DOCK11: variants seen among roughly 807,000 people sequenced by gnomAD.
DOCK11 encodes dedicator of cytokinesis protein 11.
DOCK11 carries 70 observed loss-of-function variants against 169.1 expected under a neutral mutation model. That is an observed-to-expected ratio of 0.41 (90% CI 0.34 to 0.51). The LOEUF (loss-of-function observed/expected upper bound fraction) is 0.51, where lower values mean the gene tolerates loss of function less well. Among genes scored for constraint, DOCK11 ranks in the 20% least tolerant of loss-of-function variants. The pLI is 0.10. For missense variants in DOCK11, 1,166 were observed against 1,538.8 expected, an observed-to-expected ratio of 0.76 and a Z score of 4.05; for synonymous variants, 529 against 541.3, an observed-to-expected ratio of 0.98 and a Z score of 0.32.
chrX:118,599,214 A>G lies in DOCK11; in HGVS notation c.2548A>G (p.Ile850Val), dbSNP rs1236194273. ...CTCGAAAGAAGTTCCAGGGGAGCTC[A>G]TTAAATATTTAAAGGTAAATGAACA... ...SGSKEVPGEL[I>V]KYLKCLHAME... is the part of the protein sequence containing the mutation. Residue 850 changes from isoleucine to valine, a missense_variant, in exon 23 of 53, where the codon ATT becomes GTT. Physicochemically the swap from Ile to Val is conservative, Grantham distance 29 (BLOSUM62 3). Coordinates refer to ENST00000276202, the MANE Select transcript of DOCK11 (RefSeq NM_144658.4). 1.7e-6 allele frequency: 2 copies of G among 1,205,169 alleles called. No individual in the cohort carries two copies. Among genetic ancestry groups the G allele is most frequent in the Admixed American group, 4.4e-5 (2 of 45,774 alleles).
At position 118,614,680 on chromosome X, in the gene DOCK11, T is replaced by G. The variant is rs182959678; in HGVS notation, c.3097-12T>G. 1 of 1,119,717 alleles carries G rather than the reference T, an allele frequency of 8.9e-7. No homozygotes were observed. The highest frequency in any genetic ancestry group is 1.8e-5 in the African/African-American group (1 of 54,928). The allele number at this position is 1,119,717 out of a possible 1,213,427, so 92.3% of individuals were successfully genotyped here. The stretch of plus-strand genomic sequence containing the variant: ...ATGTAATTAACCCTTAGTTTTGTTT[T>G]GGTTTCTATAGCGCTGTTTGACACT... On this transcript the variant is annotated splice_polypyrimidine_tract_variant and intron_variant, in intron 28 of 52. Coordinates refer to ENST00000276202, the MANE Select transcript of DOCK11 (RefSeq NM_144658.4).
chrX:118,620,925 G>A (rs188211064), intron 31 of DOCK11, among the ~76,000 whole-genome samples: 24 of 112,745 alleles, frequency 2.1e-4, no homozygotes, highest in African/African-American at 7.7e-4. Flanking sequence ...ACATGAAAGA[G>A]AAAGAAAATT....
intron 1 of DOCK11, among the ~76,000 whole-genome samples, chrX:118,525,418 A>G (rs1360312632): frequency 8.9e-6 from 1 of 111,942 alleles, no homozygotes; most frequent in African/African-American, 3.2e-5. Context: ...GAAAGAAGCC[A>G]GTCACAGAAA....
intron 32 of DOCK11, among the ~76,000 whole-genome samples, chrX:118,626,087 A>G (rs2015095616): frequency 1.0e-5 from 1 of 99,058 alleles, no homozygotes; most frequent in Non-Finnish European, 2.0e-5. Flanking sequence ...TTTTTTTGAG[A>G]CAGAGTCTAA....
chrX:118,529,274 G>A (rs939654098), intron 1 of DOCK11, among the ~76,000 whole-genome samples: 2 of 111,922 alleles, frequency 1.8e-5, no homozygotes, highest in African/African-American at 3.2e-5. Context: ...GAGCCACCAC[G>A]CCCGACCACC....
At chrX:118,590,457 T>C (rs2147423552) in intron 19 of DOCK11, among the ~76,000 whole-genome samples, 155 bp downstream of exon 19, 1 of 111,844 alleles carries the variant, frequency 8.9e-6, no homozygotes, top group Admixed American at 9.5e-5. Flanking sequence ...GTTACTGGCC[T>C]GCTTGGTGCC....
intron 1 of DOCK11, among the ~76,000 whole-genome samples, chrX:118,507,968 T>C (rs1261143689): frequency 9.1e-6 from 1 of 110,215 alleles, no homozygotes; most frequent in Non-Finnish European, 1.9e-5. Flanking sequence ...GCTCTTTCTG[T>C]GTGGTTTTGG....
chrX:118,529,849 A>G (rs912420852), intron 1 of DOCK11, among the ~76,000 whole-genome samples: 3 of 111,149 alleles, frequency 2.7e-5, no homozygotes, highest in Admixed American at 9.6e-5. Context: ...ATCATCAAAT[A>G]TGAGATAACA....
At chrX:118,643,790 CTTT>C (rs1292613643) in intron 40 of DOCK11, among the ~76,000 whole-genome samples, 196 bp downstream of exon 40, 1 of 111,908 alleles carries the variant, frequency 8.9e-6, no homozygotes, top group Admixed American at 9.5e-5. Flanking sequence ...TCAGAAGCTA[CTTT>C]TTATTTCACC....
chrX:118,574,090 G>A (rs2013370123), intron 12 of DOCK11, 72 bp downstream of exon 12: 1 of 1,006,549 alleles, frequency 9.9e-7, no homozygotes, highest in East Asian at 3.2e-5. Flanking sequence ...TTATTTCATG[G>A]TTTCAGGCCA....
Position 118,495,845 on chromosome X carries a change from T to G in DOCK11, c.-127T>G. On this transcript the variant is annotated 5_prime_UTR_variant, in exon 1 of 53. An upstream start codon of the reference 5' UTR is lost. Coordinates refer to ENST00000276202, the MANE Select transcript of DOCK11 (RefSeq NM_144658.4). ...GAGCCGCGCCGCCGCCGAGCTGCGA[T>G]GTGGCCGGCCGGCCGGCGAGTAAAC... 3 of 222,482 alleles carry G rather than the reference T, an allele frequency of 1.3e-5. No individual in the cohort carries two copies. The highest frequency in any genetic ancestry group is 2.1e-5 in the Non-Finnish European group (3 of 141,341). 18.3% of individuals were successfully genotyped at this position (222,482 alleles called of 1,213,427 possible).
chrX:118,514,591 G>A (rs1364688872), intron 1 of DOCK11, among the ~76,000 whole-genome samples: 1 of 111,579 alleles, frequency 9.0e-6, no homozygotes, highest in Admixed American at 9.5e-5. Context: ...ATGTCCACCA[G>A]TAAGGACCAT....
At chrX:118,615,074 T>C (rs748250899) in intron 29 of DOCK11, among the ~76,000 whole-genome samples, 3 of 111,817 alleles carry the variant, frequency 2.7e-5, no homozygotes, top group African/African-American at 9.7e-5. Context: ...AGACATCAAA[T>C]GGGGTGGGTA....
At chrX:118,658,369 G>C (rs2147554234) in intron 44 of DOCK11, among the ~76,000 whole-genome samples, 1 of 112,718 alleles carries the variant, frequency 8.9e-6, no homozygotes, top group African/African-American at 3.2e-5. Context: ...ATTGGAAGCA[G>C]ATGTTCTACT....
chrX:118,583,505 T>G (rs967695001), intron 14 of DOCK11, among the ~76,000 whole-genome samples: 2 of 111,021 alleles, frequency 1.8e-5, no homozygotes, highest in African/African-American at 6.6e-5. Context: ...TTACCACATC[T>G]TCAGAGGTAT....
intron 7 of DOCK11, among the ~76,000 whole-genome samples, chrX:118,563,215 T>C (rs1485728672): frequency 8.9e-6 from 1 of 112,040 alleles, no homozygotes; most frequent in Non-Finnish European, 1.9e-5. Flanking sequence ...AAATCTTCAT[T>C]TTCAGAACTG....
chrX:118,619,429 T>G (rs2014906592), intron 31 of DOCK11, among the ~76,000 whole-genome samples: 1 of 93,836 alleles, frequency 1.1e-5, no homozygotes. Context: ...TGCAGTGAGC[T>G]GAGATCATGC....
chrX:118,671,364 C>T lies in DOCK11; in HGVS notation c.5199+219C>T, dbSNP rs761984226. Reference sequence around the variant, plus strand: ...CAATTCCTAAAAATGCTATTAAATCCTGAGATTTTTTAATGATTTCACCAC... The same window carrying T: ...CAATTCCTAAAAATGCTATTAAATCTTGAGATTTTTTAATGATTTCACCAC... On this transcript the variant is annotated intron_variant, in intron 46 of 52. Transcript: ENST00000276202. Among the ~76,000 whole-genome samples the T allele has an allele frequency of 3.6e-5, 4 of 111,144 alleles. No homozygotes were observed. The East Asian group carries it at 1.1e-3, about 31-fold the overall frequency.
At chrX:118,631,742 G>A (rs1229563179) in intron 35 of DOCK11, among the ~76,000 whole-genome samples, 3 of 110,640 alleles carry the variant, frequency 2.7e-5, no homozygotes, top group African/African-American at 9.9e-5. Context: ...AAAAAAAGCA[G>A]AAGTGAACAA....
Sources: allele counts gnomAD v4.1 joint callset (sites outside exome capture counted in the v4.1 genomes callset), GRCh38; gene constraint gnomAD v4.1.1; transcripts MANE v1.5; gene names NCBI Gene and HGNC (gene_info 2026-07-23, HGNC 2026-07-21).